COL10A1: variants seen among roughly 807,000 people sequenced by gnomAD.
COL10A1 encodes collagen alpha-1(X) chain.
Under a neutral mutation model 18.2 loss-of-function variants are expected in COL10A1, and 10 were observed. The observed-to-expected ratio is 0.55, with a 90% CI of 0.34 to 0.93. The LOEUF is 0.93. Ranked by LOEUF, COL10A1 falls within the 40% of genes least tolerant of loss-of-function variation. The pLI is 0.02. For missense variants in COL10A1, 897 were observed against 853.5 expected, an observed-to-expected ratio of 1.05 and a Z score of -0.64; for synonymous variants, 330 against 316.6, an observed-to-expected ratio of 1.04 and a Z score of -0.45.
chr6:116,199,555 T>C, the COL10A1 span, among the ~76,000 whole-genome samples: 6 of 152,110 alleles, frequency 3.9e-5, no homozygotes, highest in African/African-American at 1.4e-4. Flanking sequence ...TCTAACGCCA[T>C]TCTCCAGTAT....
upstream of COL10A1, among the ~76,000 whole-genome samples, chr6:116,163,141 A>AAAAAAAAAATATATATAT (rs761718922): frequency 1.1e-4 from 10 of 88,402 alleles, no homozygotes; most frequent in African/African-American, 5.2e-4. Context: ...AAAAAAAAAA[A>AAAAAAAAAATATATATAT]ATATATATAT....
intron 2 of COL10A1, among the ~76,000 whole-genome samples, chr6:116,124,064 T>A (rs1779219441): frequency 6.6e-6 from 1 of 152,120 alleles, no homozygotes; most frequent in South Asian, 2.1e-4. Context: ...CTTTAAATTT[T>A]AAAATTTTTA....
the COL10A1 span, among the ~76,000 whole-genome samples, chr6:116,179,852 A>G: frequency 1.8e-4 from 28 of 152,204 alleles, no homozygotes; most frequent in South Asian, 5.6e-3. Context: ...TAATGCTCCA[A>G]AGATTCTTGA....
chr6:116,131,860 G>T (rs1019798317), intron 1 of COL10A1, among the ~76,000 whole-genome samples: 5 of 151,976 alleles, frequency 3.3e-5, no homozygotes, highest in Non-Finnish European at 5.9e-5. Flanking sequence ...AGTGTGTGTT[G>T]TTCCTCTCTA....
chr6:116,130,143 A>G (rs1253982964), upstream of COL10A1, among the ~76,000 whole-genome samples: 1 of 152,128 alleles, frequency 6.6e-6, no homozygotes, highest in Non-Finnish European at 1.5e-5. Flanking sequence ...GATATTCTCT[A>G]TAAAGAAAAA....
chr6:116,205,389 C>G, the COL10A1 span, among the ~76,000 whole-genome samples: 1 of 151,822 alleles, frequency 6.6e-6, no homozygotes, highest in South Asian at 2.1e-4. Context: ...TGGAAGTGTT[C>G]ACATATCTTA....
the COL10A1 span, among the ~76,000 whole-genome samples, chr6:116,190,843 G>A: frequency 6.6e-6 from 1 of 152,022 alleles, no homozygotes; most frequent in Non-Finnish European, 1.5e-5. Flanking sequence ...CCAGAGACAG[G>A]TTCTCAGTTT....
chr6:116,202,426 T>C, the COL10A1 span, among the ~76,000 whole-genome samples: 1 of 152,038 alleles, frequency 6.6e-6, no homozygotes, highest in Non-Finnish European at 1.5e-5. Context: ...CATACTCTTT[T>C]TTAGGGGAAA....
chr6:116,122,591 T>C (rs1779163973), intron 2 of COL10A1, among the ~76,000 whole-genome samples: 1 of 152,182 alleles, frequency 6.6e-6, no homozygotes, highest in South Asian at 2.1e-4. Flanking sequence ...AATACAAATA[T>C]ATAGTGTTTG....
chr6:116,153,567 G>A (rs145351733), intron 1 of COL10A1, among the ~76,000 whole-genome samples: 22 of 152,192 alleles, frequency 1.4e-4, no homozygotes, highest in African/African-American at 4.6e-4. Flanking sequence ...AAGTACCTCT[G>A]TTAGGTACTT....
At chr6:116,131,388 T>TA (rs1400188566) in intron 1 of COL10A1, among the ~76,000 whole-genome samples, 1 of 152,202 alleles carries the variant, frequency 6.6e-6, no homozygotes, top group Non-Finnish European at 1.5e-5. Context: ...TCCTTTTTAT[T>TA]AAAAAATGTA....
the COL10A1 span, among the ~76,000 whole-genome samples, chr6:116,167,752 G>A: frequency 6.6e-6 from 1 of 152,044 alleles, no homozygotes; most frequent in African/African-American, 2.4e-5. Context: ...GACCGTTGTT[G>A]GATAATTACG....
At chr6:116,209,302 G>A in the COL10A1 span, among the ~76,000 whole-genome samples, 1 of 151,856 alleles carries the variant, frequency 6.6e-6, no homozygotes, top group Non-Finnish European at 1.5e-5. Flanking sequence ...TTAGCTTGTG[G>A]GCTGTGGTTT....
the COL10A1 span, among the ~76,000 whole-genome samples, chr6:116,179,310 G>A: frequency 6.6e-6 from 1 of 152,086 alleles, no homozygotes; most frequent in South Asian, 2.1e-4. Flanking sequence ...AATGGCAGGA[G>A]GATTTACATT....
At chr6:116,150,899 A>G (rs1254531068) in intron 1 of COL10A1, among the ~76,000 whole-genome samples, 1 of 152,210 alleles carries the variant, frequency 6.6e-6, no homozygotes, top group Non-Finnish European at 1.5e-5. Flanking sequence ...TAACCATTAC[A>G]TAGGTTGATT....
the COL10A1 span, among the ~76,000 whole-genome samples, chr6:116,180,743 A>C: frequency 6.6e-6 from 1 of 152,082 alleles, no homozygotes; most frequent in Admixed American, 6.6e-5. Context: ...GAATGAGGAA[A>C]GTGCTATGGG....
At chr6:116,191,051 G>A in the COL10A1 span, among the ~76,000 whole-genome samples, 1 of 152,004 alleles carries the variant, frequency 6.6e-6, no homozygotes, top group Non-Finnish European at 1.5e-5. Context: ...ACAGTGAGTT[G>A]TTGTTAGAAC....
intron 1 of COL10A1, among the ~76,000 whole-genome samples, chr6:116,144,269 G>A (rs1378798619): frequency 1.3e-5 from 2 of 152,138 alleles, no homozygotes; most frequent in Admixed American, 1.3e-4. Context: ...TTGGGAGGCC[G>A]AGGCGGGCGG....
At chr6:116,190,751 G>A in the COL10A1 span, among the ~76,000 whole-genome samples, 1 of 151,984 alleles carries the variant, frequency 6.6e-6, no homozygotes, top group Non-Finnish European at 1.5e-5. Context: ...AGAGTCATGT[G>A]GTATGTAAAA....
Sources: gnomAD v4.1 joint callset for allele counts (sites outside exome capture counted in the v4.1 genomes callset) on GRCh38, gnomAD v4.1.1 for gene constraint, MANE v1.5 for transcripts, NCBI Gene and HGNC (gene_info 2026-07-23, HGNC 2026-07-21) for gene names.